The following CFAP70 variants were observed in gnomAD, a reference collection of about 807,000 sequenced individuals.
CFAP70 encodes cilia- and flagella-associated protein 70.
In CFAP70, 81 loss-of-function variants were observed where a neutral mutation model predicts 137.6. The ratio of observed to expected loss-of-function variants is 0.59; its 90% CI spans 0.49 to 0.71. CFAP70 has a LOEUF of 0.71. CFAP70 is among the 30% of genes least tolerant of loss of function. The pLI, the probability that CFAP70 is intolerant of heterozygous loss-of-function variation, is 0.00. For missense variants in CFAP70, 976 were observed against 1,226.7 expected (o/e 0.80, Z 3.05); for synonymous variants, 382 against 423.6 (o/e 0.90, Z 1.20).
rs1462483597 is a variant in CFAP70, at chr10:73,274,439, C to T, written c.2829G>A (p.Glu943=). The T allele has an allele frequency of 7.5e-6, 12 of 1,609,842 alleles. No homozygotes were observed. The South Asian group carries it at 8.9e-5, about 12-fold the overall frequency. ...CCCATTCTCTACCCCTCACCTCTTT[C>T]TCTTCCAGATAGATGAGCCCCAGTC... Residue 943 remains glutamate (E), a synonymous_variant, in exon 23 of 27, where the codon GAG becomes GAA. Transcript: ENST00000310715.
At chr10:73,349,972 G>A (rs1311038528) in intron 3 of CFAP70, among the ~76,000 whole-genome samples, 12 of 152,194 alleles carry the variant, frequency 7.9e-5, no homozygotes, top group Non-Finnish European at 1.8e-4. Context: ...TCTAGCAAGT[G>A]TGTGATAATA....
At chr10:73,338,959 A>G (rs2132388167) in intron 6 of CFAP70, among the ~76,000 whole-genome samples, 1 of 146,202 alleles carries the variant, frequency 6.8e-6, no homozygotes, top group South Asian at 2.2e-4. Flanking sequence ...TCGCTCTGAC[A>G]CTCAGGCTGG....
chr10:73,360,251 G>T (rs2054955507), upstream of CFAP70, among the ~76,000 whole-genome samples: 1 of 152,172 alleles, frequency 6.6e-6, no homozygotes, highest in Non-Finnish European at 1.5e-5. Flanking sequence ...ATAAACACTA[G>T]TGTGTTTAGG....
intron 20 of CFAP70, among the ~76,000 whole-genome samples, chr10:73,277,661 C>T (rs2046880420): frequency 6.6e-6 from 1 of 151,122 alleles, no homozygotes; most frequent in Non-Finnish European, 1.5e-5. Context: ...TGCAGTGAGC[C>T]GAGATTGCGC....
chr10:73,297,243 G>A, intron 14 of CFAP70, 70 bp from the exon 16 acceptor site: 1 of 1,498,748 alleles, frequency 6.7e-7, no homozygotes. Flanking sequence ...GGTCTCTCTA[G>A]GGCTTTCTGG....
chr10:73,317,533 G>A (rs890723370), intron 9 of CFAP70, among the ~76,000 whole-genome samples: 7 of 152,058 alleles, frequency 4.6e-5, no homozygotes, highest in African/African-American at 1.7e-4. Flanking sequence ...TATATAATGT[G>A]TATATTTTGG....
At chr10:73,362,484 G>C (rs977100342), upstream of CFAP70, among the ~76,000 whole-genome samples, 6 of 152,058 alleles carry the variant, frequency 3.9e-5, no homozygotes, top group Admixed American at 1.3e-4. Flanking sequence ...TCATTGTAGA[G>C]ATCTTTTGCC....
At chr10:73,357,369 G>A (rs1328204787) in intron 1 of CFAP70, among the ~76,000 whole-genome samples, 1 of 152,162 alleles carries the variant, frequency 6.6e-6, no homozygotes, top group Non-Finnish European at 1.5e-5. Flanking sequence ...AAATCTTGGA[G>A]GAAGTACGCT....
intron 25 of CFAP70, among the ~76,000 whole-genome samples, chr10:73,265,623 G>A (rs984205546): frequency 7.2e-5 from 11 of 152,018 alleles, no homozygotes; most frequent in Admixed American, 7.2e-4. Context: ...AATAACTTGC[G>A]CACGCTCATT....
At chr10:73,310,930 C>T (rs1407133691) in intron 11 of CFAP70, among the ~76,000 whole-genome samples, 1 of 152,124 alleles carries the variant, frequency 6.6e-6, no homozygotes, top group Non-Finnish European at 1.5e-5. Flanking sequence ...GTCATCAACA[C>T]TCATCTATAC....
In CFAP70 at chr10:73,297,036, A is replaced by G. The variant is rs761221551; in HGVS notation, c.1644+6T>C. 9 of 1,612,338 alleles carry G rather than the reference A, an allele frequency of 5.6e-6. No homozygotes were observed. In the East Asian group the frequency reaches 1.8e-4, roughly 32 times the overall value. ...AAAGAAAGTGCTCTCAGTTCTTGACACTTACCTGGTTTAGGGCTACATGCA... is the reference window on the plus strand; with the variant it reads ...AAAGAAAGTGCTCTCAGTTCTTGACGCTTACCTGGTTTAGGGCTACATGCA... On this transcript the variant is annotated splice_donor_region_variant and intron_variant, in intron 15 of 26. Transcript: ENST00000310715.
chr10:73,328,252 T>C (rs2051683369), intron 8 of CFAP70, among the ~76,000 whole-genome samples: 1 of 151,974 alleles, frequency 6.6e-6, no homozygotes. Context: ...GATTCCCTAT[T>C]TAATAAATGG....
At chr10:73,296,648 T>C (rs2048570478) in intron 15 of CFAP70, 1 of 155,354 alleles carries the variant, frequency 6.4e-6, no homozygotes, top group African/African-American at 2.4e-5. Flanking sequence ...CATTTGGGTA[T>C]AATATCTGAA....
At position 73,257,876 on chromosome 10, in the gene CFAP70, C is replaced by CTTTT. The variant is rs745485451; in HGVS notation, c.3028-1464_3028-1461dup. ...ATTTCTTCTTCTTCTCCTTTTCCTT[C>CTTTT]TTTTTTTTTTTTTTTTTTTGAGACG... is the stretch of plus-strand genomic sequence containing the variant. On this transcript the variant is annotated intron_variant, in intron 25 of 26. Coordinates refer to ENST00000310715, the Ensembl canonical transcript of CFAP70. Among the ~76,000 whole-genome samples, 798 of 129,886 alleles carry CTTTT rather than the reference C, an allele frequency of 6.1e-3. 32 individuals are homozygous for CTTTT. Among genetic ancestry groups the CTTTT allele is most frequent in the African/African-American group, 0.023 (752 of 33,126 alleles). 85.2% of individuals were successfully genotyped at this position (129,886 alleles called of 152,430 possible).
At chr10:73,331,072 A>C in intron 8 of CFAP70, 105 bp downstream of exon 9, 1 of 736,408 alleles carries the variant, frequency 1.4e-6, no homozygotes, top group Non-Finnish European at 2.2e-6. Context: ...CCTTAGGAGA[A>C]CAGCTATGTT....
intron 19 of CFAP70, among the ~76,000 whole-genome samples, chr10:73,283,098 G>A (rs1188470551): frequency 1.3e-5 from 2 of 152,106 alleles, no homozygotes; most frequent in Non-Finnish European, 2.9e-5. Context: ...TTCCCAAAGT[G>A]CTGGGATTAC....
At chr10:73,305,765 C>T (rs2049323655) in intron 12 of CFAP70, among the ~76,000 whole-genome samples, 1 of 151,972 alleles carries the variant, frequency 6.6e-6, no homozygotes, top group Admixed American at 6.6e-5. Context: ...GTCCAGTTTT[C>T]AACGATGATA....
chr10:73,291,559 G>C (rs1002495759), intron 18 of CFAP70, 81 bp downstream of exon 19: 10 of 1,479,956 alleles, frequency 6.8e-6, no homozygotes, highest in Non-Finnish European at 9.3e-6. Flanking sequence ...ACTACATGAT[G>C]AGCCATTGAA....
intron 9 of CFAP70, 35 bp downstream of exon 10, chr10:73,322,928 A>T (rs752292903): frequency 6.4e-7 from 1 of 1,556,812 alleles, no homozygotes; most frequent in Non-Finnish European, 8.7e-7. Context: ...TAAAGGATAA[A>T]TTACCATGAT....
Sources: gnomAD v4.1 joint callset for allele counts (sites outside exome capture counted in the v4.1 genomes callset) on GRCh38, gnomAD v4.1.1 for gene constraint, MANE v1.5 for transcripts, NCBI Gene and HGNC (gene_info 2026-07-23, HGNC 2026-07-21) for gene names.